Variants in MET observed in about 807,000 individuals in gnomAD.
The protein encoded by MET is MET proto-oncogene, receptor tyrosine kinase, also known as hepatocyte growth factor receptor.
Under a neutral mutation model 133.1 loss-of-function variants are expected in MET, and 48 were observed. The observed-to-expected ratio is 0.36, with a 90% confidence interval of 0.29 to 0.46. MET has a LOEUF of 0.46. Among genes scored for constraint, MET ranks in the 20% least tolerant of loss-of-function variants. MET has a pLI of 1.00. For synonymous variants in MET, 628 were observed against 616.5 expected, an observed-to-expected ratio of 1.02 and a Z score of -0.28; for missense variants, 1,442 against 1,695.9, an observed-to-expected ratio of 0.85 and a Z score of 2.63.
In MET at chr7:116,796,525, G is replaced by A. The variant is rs1364013265; in HGVS notation, c.*401G>A. On this transcript the variant is annotated 3_prime_UTR_variant, in exon 21 of 21. Coordinates refer to ENST00000397752, the MANE Select transcript of MET (RefSeq NM_000245.4). Reference sequence around the variant, plus strand: ...GACAGGAGCGGCAGCCCCAGAACAGGCCACTCATTTAGAATTCTAGTGTTT... The same window carrying A: ...GACAGGAGCGGCAGCCCCAGAACAGACCACTCATTTAGAATTCTAGTGTTT... The A allele has an allele frequency of 3.0e-6, 1 of 337,484 alleles. No individual in the cohort carries two copies. Among genetic ancestry groups the A allele is most frequent in the Non-Finnish European group, 5.5e-6 (1 of 182,140 alleles). The allele number at this position is 337,484 out of a possible 1,614,324, so 20.9% of individuals were successfully genotyped here.
At chr7:116,792,163 A>G (rs1795522033) in intron 19 of MET, among the ~76,000 whole-genome samples, 3 of 152,034 alleles carry the variant, frequency 2.0e-5, no homozygotes, top group South Asian at 2.1e-4. Context: ...TTTGCCTATC[A>G]TCCTTCCTTG....
chr7:116,713,121 C>A (rs1044380628), intron 2 of MET, among the ~76,000 whole-genome samples: 1 of 152,154 alleles, frequency 6.6e-6, no homozygotes, highest in African/African-American at 2.4e-5. Flanking sequence ...AGAGGCCGGG[C>A]GCGGTGGCTC....
At position 116,757,421 on chromosome 7, in the gene MET, T is replaced by C. The variant is rs759151928; in HGVS notation, c.1863-16T>C. 12 of 1,606,082 alleles carry C rather than the reference T, an allele frequency of 7.5e-6. No homozygotes were observed. The highest frequency in any genetic ancestry group is 1.0e-5 in the Non-Finnish European group (12 of 1,174,064). ...CTTGGATTTGTCATGTATTAAACTT[T>C]GGGTTTTTTTTCCAGATTGAAATGC... On this transcript the variant is annotated splice_polypyrimidine_tract_variant and intron_variant, in intron 6 of 20. Transcript: ENST00000397752.
intron 11 of MET, among the ~76,000 whole-genome samples, chr7:116,767,285 C>A (rs895729345): frequency 6.6e-6 from 1 of 152,148 alleles, no homozygotes; most frequent in African/African-American, 2.4e-5. Flanking sequence ...ACATGTCACA[C>A]CTGGCCAGGG....
intron 1 of MET, among the ~76,000 whole-genome samples, chr7:116,678,216 C>G (rs1796228500): frequency 6.6e-6 from 1 of 152,178 alleles, no homozygotes; most frequent in African/African-American, 2.4e-5. Context: ...AAGCTAGCAG[C>G]CCTCCAGAAG....
chr7:116,754,937 AAGAAAGAAAGAAAG>A (rs1299175587), intron 5 of MET, among the ~76,000 whole-genome samples: 15 of 137,154 alleles, frequency 1.1e-4, no homozygotes, highest in Non-Finnish European at 2.1e-4. Context: ...GAAAGAAAGA[AAGAAAGAAAGAAAG>A]AGAAAGAAAG....
In MET at chr7:116,699,321, G is replaced by T. The variant is rs752226182; in HGVS notation, c.237G>T (p.Gln79His). ...YIYVLNEEDL[Q>H]KVAEYKTGPV... ...ATGTTTTAAATGAGGAAGACCTTCA[G>T]AAGGTTGCTGAGTACAAGACTGGGC... is the stretch of plus-strand genomic sequence containing the variant. Residue 79 changes from glutamine (Q) to histidine (H), a missense_variant, in exon 2 of 21, where the codon CAG becomes CAT. Gln to His is a conservative substitution (Grantham distance 24). Transcript: ENST00000397752. 1 of 1,614,082 alleles carries T rather than the reference G, an allele frequency of 6.2e-7. No homozygotes were observed. Among genetic ancestry groups the T allele is most frequent in the East Asian group, 2.2e-5 (1 of 44,884 alleles).
chr7:116,674,370 A>G (rs1796079892), intron 1 of MET, among the ~76,000 whole-genome samples: 2 of 152,240 alleles, frequency 1.3e-5, no homozygotes, highest in Admixed American at 1.3e-4. Context: ...CCCATATTTT[A>G]TAAATTCCTT....
chr7:116,709,704 G>A (rs188443459), intron 2 of MET, among the ~76,000 whole-genome samples: 10 of 152,188 alleles, frequency 6.6e-5, no homozygotes, highest in East Asian at 5.8e-4. Flanking sequence ...TTATTTTCCC[G>A]TAAGGCGACC....
rs1794952295 is a variant in MET at position 116,775,047 on chromosome 7, A to G, written c.3195A>G (p.Ala1065=). ...CTCTAAATCCAGAGCTGGTCCAGGC[A>G]GTGCAGCATGTAGTGATTGGGCCCA... is the stretch of plus-strand genomic sequence containing the variant. ...LSALNPELVQ[A]VQHVVIGPSS... Residue 1065 remains alanine, a synonymous_variant, in exon 15 of 21, where the codon GCA becomes GCG. Transcript: ENST00000397752. 1 of 1,614,134 alleles carries G rather than the reference A, an allele frequency of 6.2e-7. No homozygotes were observed. The highest frequency in any genetic ancestry group is 1.3e-5 in the African/African-American group (1 of 74,956).
intron 1 of MET, among the ~76,000 whole-genome samples, chr7:116,677,724 A>C (rs1030568134): frequency 3.3e-5 from 5 of 152,214 alleles, no homozygotes; most frequent in African/African-American, 1.2e-4. Flanking sequence ...AAATTAACTA[A>C]ACAAATTTTT....
chr7:116,724,073 TC>T (rs1318193394), intron 2 of MET: 2 of 171,944 alleles, frequency 1.2e-5, no homozygotes, highest in Non-Finnish European at 2.4e-5. Context: ...CGGGTGCCCC[TC>T]CCCCAGCCTC....
intron 10 of MET, among the ~76,000 whole-genome samples, chr7:116,761,704 T>C (rs1361308704): frequency 6.6e-6 from 1 of 152,150 alleles, no homozygotes; most frequent in African/African-American, 2.4e-5. Flanking sequence ...GTTAAATTGT[T>C]CATGTCCATC....
chr7:116,745,423 A>G (rs1336723120), intron 5 of MET, among the ~76,000 whole-genome samples: 4 of 152,080 alleles, frequency 2.6e-5, no homozygotes, highest in Non-Finnish European at 5.9e-5. Context: ...GAATTGGAAA[A>G]AACTACTTTA....
At chr7:116,688,121 A>G (rs1796625294) in intron 1 of MET, among the ~76,000 whole-genome samples, 1 of 152,210 alleles carries the variant, frequency 6.6e-6, no homozygotes, top group South Asian at 2.1e-4. Context: ...GTAATGTACC[A>G]GCTTCCTCTC....
At chr7:116,713,160 C>A (rs534635383) in intron 2 of MET, among the ~76,000 whole-genome samples, 1 of 152,214 alleles carries the variant, frequency 6.6e-6, no homozygotes, top group African/African-American at 2.4e-5. Context: ...CTTTGGGAGG[C>A]CGAGGTGGGC....
chr7:116,772,351 A>G (rs563840110), intron 14 of MET, among the ~76,000 whole-genome samples: 2 of 152,316 alleles, frequency 1.3e-5, no homozygotes, highest in South Asian at 4.1e-4. Flanking sequence ...GAACTGCTAC[A>G]TTTTTTACCT....
rs1584953276 is a variant in MET at position 116,769,724 on chromosome 7, A to G, written c.2663A>G (p.His888Arg). Residue 888 changes from histidine to arginine, a missense_variant, in exon 12 of 21, where the codon CAT becomes CGT. Around this residue, in one of 6 missense-constraint regions of MET, gnomAD observed 514 missense variants for 659.6 expected, o/e 0.78. Coordinates refer to ENST00000397752, the MANE Select transcript of MET (RefSeq NM_000245.4). ...AAGAGCTGTGAGAATATACACTTAC[A>G]TTCTGAAGCCGTTTTATGCACGGTC... ...GNKSCENIHLHSEAVLCTVPN... is the reference protein window; with the variant it reads ...GNKSCENIHLRSEAVLCTVPN... 1 of 1,613,602 alleles carries G rather than the reference A, an allele frequency of 6.2e-7. No homozygotes were observed. The highest frequency in any genetic ancestry group is 8.5e-7 in the Non-Finnish European group (1 of 1,179,864).
Position 116,795,636 on chromosome 7 carries a change from C to G in MET, c.3799-19C>G, listed in dbSNP as rs906148961. ...GGTCACATCTCTCACCTCATCTGTCCTGTTTCTTGTTTTACTAGTGGTCCT... is the reference window on the plus strand; with the variant it reads ...GGTCACATCTCTCACCTCATCTGTCGTGTTTCTTGTTTTACTAGTGGTCCT... On this transcript the variant is annotated intron_variant, in intron 19 of 20. Coordinates refer to ENST00000397752, the MANE Select transcript of MET (RefSeq NM_000245.4). 1 of 1,613,122 alleles carries G rather than the reference C, an allele frequency of 6.2e-7. No homozygotes were observed. The highest frequency in any genetic ancestry group is 1.3e-5 in the African/African-American group (1 of 74,886).
Sources: gnomAD v4.1 joint callset for allele counts (sites outside exome capture counted in the v4.1 genomes callset) on GRCh38, gnomAD v4.1.1 for gene constraint, gnomAD v4.1.1 regional missense constraint, MANE v1.5 for transcripts, NCBI Gene and HGNC (gene_info 2026-07-23, HGNC 2026-07-21) for gene names.